Variants in CLMP observed in about 807,000 individuals in gnomAD.
The protein encoded by CLMP is CXADR-like membrane protein.
Under a neutral mutation model 45.2 loss-of-function variants are expected in CLMP, and 27 were observed. The ratio of observed to expected loss-of-function variants is 0.60; its 90% CI spans 0.44 to 0.82. The LOEUF is 0.82. Ranked by LOEUF, CLMP falls within the 40% of genes least tolerant of loss-of-function variation. The pLI is 0.00. For synonymous variants in CLMP, 167 were observed against 171.4 expected, an observed-to-expected ratio of 0.97 and a Z score of 0.20; for missense variants, 403 against 448.4, an observed-to-expected ratio of 0.90 and a Z score of 0.91.
At chr11:123,148,847 T>C (rs2135523079) in intron 1 of CLMP, among the ~76,000 whole-genome samples, 1 of 152,340 alleles carries the variant, frequency 6.6e-6, no homozygotes, top group South Asian at 2.1e-4. Flanking sequence ...CTGCCTCTGT[T>C]ATATTCCATA....
At chr11:123,093,359 G>A (rs777686787) in intron 2 of CLMP, among the ~76,000 whole-genome samples, 17 of 151,634 alleles carry the variant, frequency 1.1e-4, no homozygotes, top group Non-Finnish European at 1.6e-4. Context: ...TATTTTTTGC[G>A]GGGTGGGGAT....
chr11:123,128,774 T>G (rs771925628), intron 1 of CLMP, among the ~76,000 whole-genome samples: 1 of 152,300 alleles, frequency 6.6e-6, no homozygotes, highest in Non-Finnish European at 1.5e-5. Flanking sequence ...TTAAAATATA[T>G]AGAGGTGGGA....
At chr11:123,075,225 A>T (rs1246526327) in intron 5 of CLMP, among the ~76,000 whole-genome samples, 2 of 152,154 alleles carry the variant, frequency 1.3e-5, no homozygotes, top group Admixed American at 1.3e-4. Flanking sequence ...AAGTGCTGGG[A>T]TTACAGGCGG....
chr11:123,176,955 G>A (rs541808881), intron 1 of CLMP, among the ~76,000 whole-genome samples: 3 of 152,262 alleles, frequency 2.0e-5, no homozygotes, highest in Admixed American at 2.0e-4. Context: ...CCACTACAGA[G>A]GATGCAAAGA....
intron 1 of CLMP, among the ~76,000 whole-genome samples, chr11:123,194,371 T>TC (rs1399438726): frequency 2.0e-5 from 3 of 151,794 alleles, no homozygotes; most frequent in African/African-American, 7.3e-5. Context: ...TCCCAACCCT[T>TC]CCCCTTTCCC....
chr11:123,086,550 C>G (rs1865866832), intron 2 of CLMP, among the ~76,000 whole-genome samples: 1 of 152,224 alleles, frequency 6.6e-6, no homozygotes, highest in African/African-American at 2.4e-5. Flanking sequence ...AGAAGGTTCT[C>G]TCAATCAGAT....
chr11:123,075,511 C>G (rs745321135), intron 5 of CLMP, among the ~76,000 whole-genome samples: 39 of 151,210 alleles, frequency 2.6e-4, no homozygotes, highest in Non-Finnish European at 5.3e-4. Context: ...CTCAGCCTCC[C>G]GAGTAGCTGG....
In CLMP at chr11:123,090,727, C is replaced by A. The variant is rs1865921650; in HGVS notation, c.187-6014G>T. ...AGCCCAATACGCAAAGAATACTAAT[C>A]ATTCTGTTCCCAGAAAGAGCTGGGT... is the stretch of plus-strand genomic sequence containing the variant. On this transcript the variant is annotated intron_variant, in intron 2 of 6. Transcript: ENST00000448775. Among the ~76,000 whole-genome samples, 3 of 152,186 alleles carry A rather than the reference C, an allele frequency of 2.0e-5. No homozygotes were observed. In the South Asian group the frequency reaches 6.2e-4, roughly 31 times the overall value.
At chr11:123,178,528 C>A (rs529097141) in intron 1 of CLMP, among the ~76,000 whole-genome samples, 1 of 152,268 alleles carries the variant, frequency 6.6e-6, no homozygotes, top group Non-Finnish European at 1.5e-5. Context: ...GTTTGCTCAT[C>A]TATAAAATGG....
Position 123,195,056 on chromosome 11 carries a change from G to T in CLMP, c.-116C>A. 1 of 1,029,850 alleles carries T rather than the reference G, an allele frequency of 9.7e-7. No individual in the cohort carries two copies. Among genetic ancestry groups the T allele is most frequent in the Non-Finnish European group, 1.3e-6 (1 of 747,694 alleles). The allele number at this position is 1,029,850 out of a possible 1,614,324, so 63.8% of individuals were successfully genotyped here. A position where few individuals can be genotyped will look rare whatever the true frequency, so the allele number is the denominator to read the frequency against. On this transcript the variant is annotated 5_prime_UTR_variant, in exon 1 of 7. Coordinates refer to ENST00000448775, the MANE Select transcript of CLMP (RefSeq NM_024769.5). ...CGCGGCGCCTCGGGGTGCGCGCGAG[G>T]TGGCTGCAGCCATGTGCCGGGCGGG...
chr11:123,138,656 TCTTA>T (rs1165083597), intron 1 of CLMP, among the ~76,000 whole-genome samples: 2 of 127,524 alleles, frequency 1.6e-5, no homozygotes, highest in African/African-American at 6.0e-5. Flanking sequence ...TAAGAACAAT[TCTTA>T]CTTATTTATT....
At chr11:123,081,664 A>G (rs1478700208) in intron 5 of CLMP, among the ~76,000 whole-genome samples, 1 of 152,140 alleles carries the variant, frequency 6.6e-6, no homozygotes, top group Non-Finnish European at 1.5e-5. Flanking sequence ...TAAGTCCAGG[A>G]GTTCAAGACC....
intron 2 of CLMP, among the ~76,000 whole-genome samples, chr11:123,087,202 T>C (rs1303033795): frequency 6.6e-6 from 1 of 152,094 alleles, no homozygotes; most frequent in Non-Finnish European, 1.5e-5. Context: ...CCGGGCGTGA[T>C]GGCGCATGCC....
intron 1 of CLMP, among the ~76,000 whole-genome samples, chr11:123,179,175 G>T (rs990139208): frequency 6.6e-6 from 1 of 152,110 alleles, no homozygotes; most frequent in Non-Finnish European, 1.5e-5. Context: ...TTGTTACCTC[G>T]GTTGGTGGAA....
chr11:123,119,607 T>G (rs1466663495), intron 1 of CLMP, among the ~76,000 whole-genome samples: 1 of 151,918 alleles, frequency 6.6e-6, no homozygotes, highest in African/African-American at 2.4e-5. Context: ...CAAAATAGTA[T>G]ACAGTGAAAA....
At chr11:123,082,407 A>G (rs1282203450) in intron 5 of CLMP, among the ~76,000 whole-genome samples, 1 of 151,826 alleles carries the variant, frequency 6.6e-6, no homozygotes, top group Non-Finnish European at 1.5e-5. Flanking sequence ...GTCTCAGGTT[A>G]AAGCAATTCT....
Position 123,103,515 on chromosome 11 carries a change from C to A in CLMP, c.29-5563G>T, listed in dbSNP as rs139750196. On this transcript the variant is annotated intron_variant, in intron 1 of 6. Coordinates refer to ENST00000448775, the MANE Select transcript of CLMP (RefSeq NM_024769.5). Reference sequence around the variant, plus strand: ...AGCCAAGTCCTATTTATACCATATCCAGAATTAAATACAGCAGTGCAGGGA... The same window carrying A: ...AGCCAAGTCCTATTTATACCATATCAAGAATTAAATACAGCAGTGCAGGGA... Among the ~76,000 whole-genome samples the A allele has an allele frequency of 2.8e-3, 432 of 152,172 alleles. 2 individuals carry two copies. Among genetic ancestry groups the A allele is most frequent in the Middle Eastern group, 6.8e-3 (2 of 294 alleles).
chr11:123,109,382 A>G (rs995902140), intron 1 of CLMP, among the ~76,000 whole-genome samples: 19 of 147,762 alleles, frequency 1.3e-4, no homozygotes, highest in African/African-American at 4.9e-4. Flanking sequence ...TGAGCCCGTG[A>G]GAGCCAATGT....
intron 1 of CLMP, among the ~76,000 whole-genome samples, chr11:123,188,421 C>T (rs1436096043): frequency 6.6e-6 from 1 of 151,164 alleles, no homozygotes; most frequent in Non-Finnish European, 1.5e-5. Context: ...TCCTCCTCTT[C>T]CTCCTCCTCT....
Sources: allele counts gnomAD v4.1 joint callset (sites outside exome capture counted in the v4.1 genomes callset), GRCh38; gene constraint gnomAD v4.1.1; transcripts MANE v1.5; gene names NCBI Gene and HGNC (gene_info 2026-07-23, HGNC 2026-07-21).